NRXN1: variants seen among roughly 807,000 people sequenced by gnomAD.
NRXN1 encodes the protein neurexin 1, also known as neurexin-1.
Under a neutral mutation model 150.9 loss-of-function variants are expected in NRXN1, and 39 were observed. The observed-to-expected ratio is 0.26, with a 90% confidence interval of 0.20 to 0.34. NRXN1 has a LOEUF of 0.34. Among genes scored for constraint, NRXN1 ranks in the 10% least tolerant of loss-of-function variants. NRXN1 has a pLI of 1.00. For synonymous variants in NRXN1, 924 were observed against 757.0 expected, an observed-to-expected ratio of 1.22 and a Z score of -3.62; for missense variants, 1,815 against 1,949.9, an observed-to-expected ratio of 0.93 and a Z score of 1.30.
chr2:50,775,731 T>C (rs1359985230), intron 5 of NRXN1, among the ~76,000 whole-genome samples: 1 of 152,140 alleles, frequency 6.6e-6, no homozygotes, highest in Non-Finnish European at 1.5e-5. Flanking sequence ...GATCAAAATG[T>C]TTTTCATCCA....
intron 21 of NRXN1, among the ~76,000 whole-genome samples, chr2:49,988,270 G>A (rs890037534): frequency 2.0e-5 from 3 of 151,336 alleles, no homozygotes; most frequent in Admixed American, 1.3e-4. Flanking sequence ...CTTAGTGTCT[G>A]CCATTACCTT....
At chr2:50,325,310 G>T (rs2076314901) in intron 17 of NRXN1, among the ~76,000 whole-genome samples, 1 of 152,160 alleles carries the variant, frequency 6.6e-6, no homozygotes, top group Non-Finnish European at 1.5e-5. Flanking sequence ...CTGATATAAA[G>T]CCATTCCTAT....
intron 17 of NRXN1, among the ~76,000 whole-genome samples, chr2:50,248,537 CA>C (rs2066727588): frequency 6.6e-6 from 1 of 152,108 alleles, no homozygotes; most frequent in South Asian, 2.1e-4. Context: ...TTAAAATGAA[CA>C]TATTCTAAAA....
intron 17 of NRXN1, among the ~76,000 whole-genome samples, chr2:50,366,210 C>T (rs1432036483): frequency 4.9e-5 from 7 of 143,716 alleles, no homozygotes; most frequent in African/African-American, 1.8e-4. Context: ...GAGAATGCAA[C>T]GTATGTTGAG....
At chr2:50,726,385 G>A (rs116220754) in intron 5 of NRXN1, among the ~76,000 whole-genome samples, 2,494 of 152,250 alleles carry the variant, frequency 0.016, 79 homozygotes, top group African/African-American at 0.057. Context: ...GGTGGCGCCC[G>A]CCTGCAATCC....
At chr2:50,549,490 A>G (rs1272936317) in intron 9 of NRXN1, among the ~76,000 whole-genome samples, 1 of 152,194 alleles carries the variant, frequency 6.6e-6, no homozygotes, top group East Asian at 1.9e-4. Context: ...CTTTACCATC[A>G]CAACAGCACC....
intron 5 of NRXN1, among the ~76,000 whole-genome samples, chr2:50,645,485 T>C (rs557950778): frequency 1.3e-5 from 2 of 152,092 alleles, no homozygotes; most frequent in East Asian, 3.9e-4. Context: ...AACGTATTTA[T>C]TTATTTCTAC....
intron 22 of NRXN1, among the ~76,000 whole-genome samples, chr2:49,939,984 GAAT>G (rs1390205865): frequency 6.6e-6 from 1 of 152,010 alleles, no homozygotes; most frequent in Non-Finnish European, 1.5e-5. Context: ...TTGATAAAAG[GAAT>G]AATTTACTAG....
intron 2 of NRXN1, among the ~76,000 whole-genome samples, chr2:50,974,742 A>G (rs1186706327): frequency 6.6e-6 from 1 of 152,026 alleles, no homozygotes; most frequent in Non-Finnish European, 1.5e-5. Context: ...CGTAATTGCA[A>G]TTTGAGAATG....
intron 21 of NRXN1, among the ~76,000 whole-genome samples, chr2:49,954,238 T>C (rs1431789359): frequency 6.6e-6 from 1 of 152,114 alleles, no homozygotes; most frequent in Non-Finnish European, 1.5e-5. Flanking sequence ...GGCTGCTTCC[T>C]ATTATGCCAG....
chr2:50,836,238 T>C (rs1672084177), intron 5 of NRXN1, among the ~76,000 whole-genome samples: 1 of 152,194 alleles, frequency 6.6e-6, no homozygotes, highest in African/African-American at 2.4e-5. Context: ...TACTTATTTA[T>C]AGGGTACAAT....
intron 17 of NRXN1, among the ~76,000 whole-genome samples, chr2:50,240,443 C>A (rs925051612): frequency 3.6e-4 from 54 of 151,816 alleles, no homozygotes; most frequent in African/African-American, 1.3e-3. Context: ...AAAAAATTAA[C>A]TTTGCATCAA....
intron 2 of NRXN1, among the ~76,000 whole-genome samples, chr2:50,967,547 T>A (rs1348868721): frequency 6.6e-6 from 1 of 152,024 alleles, no homozygotes; most frequent in Non-Finnish European, 1.5e-5. Flanking sequence ...ACTGGAAGAA[T>A]ATCATTAATC....
At chr2:50,254,439 T>C (rs894876950) in intron 17 of NRXN1, among the ~76,000 whole-genome samples, 2 of 151,926 alleles carry the variant, frequency 1.3e-5, no homozygotes, top group Non-Finnish European at 2.9e-5. Flanking sequence ...ATCTTGGTTA[T>C]TTCTTGTCTT....
At chr2:50,268,393 C>A (rs950135238) in intron 17 of NRXN1, among the ~76,000 whole-genome samples, 75 of 152,270 alleles carry the variant, frequency 4.9e-4, no homozygotes, top group African/African-American at 1.8e-3. Flanking sequence ...AGGCTTAGTA[C>A]TACACCCAAC....
At chr2:50,654,650 T>C (rs374404763) in intron 5 of NRXN1, among the ~76,000 whole-genome samples, 3 of 152,086 alleles carry the variant, frequency 2.0e-5, no homozygotes, top group African/African-American at 7.2e-5. Context: ...CCATCAACAG[T>C]GTAAAAGTGT....
At chr2:50,923,561 T>C (rs1053715077) in intron 3 of NRXN1, 1 of 186,754 alleles carries the variant, frequency 5.4e-6, no homozygotes, top group South Asian at 7.4e-5. Context: ...ACTACTAACA[T>C]GCTTTCAAAA....
intron 5 of NRXN1, among the ~76,000 whole-genome samples, chr2:50,907,270 T>A (rs1683849029): frequency 6.6e-6 from 1 of 151,958 alleles, no homozygotes; most frequent in Non-Finnish European, 1.5e-5. Flanking sequence ...TTTTGTCCAA[T>A]CACATTTCTA....
intron 21 of NRXN1, among the ~76,000 whole-genome samples, chr2:49,970,839 G>A (rs577462796): frequency 9.2e-5 from 14 of 152,118 alleles, no homozygotes; most frequent in African/African-American, 3.1e-4. Flanking sequence ...ATCTATTGGT[G>A]TTTGAGTCCA....
Sources: allele counts gnomAD v4.1 joint callset (sites outside exome capture counted in the v4.1 genomes callset), GRCh38; gene constraint gnomAD v4.1.1; transcripts MANE v1.5; gene names NCBI Gene and HGNC (gene_info 2026-07-23, HGNC 2026-07-21).